The following ANK2 variants were observed in gnomAD, a reference collection of about 807,000 sequenced individuals.
ANK2 encodes the protein ankyrin-2.
In ANK2, 83 loss-of-function variants were observed where a neutral mutation model predicts 360.5. The ratio of observed to expected loss-of-function variants is 0.23; its 90% confidence interval spans 0.19 to 0.28. The LOEUF (loss-of-function observed/expected upper bound fraction) is 0.28, where lower values mean the gene tolerates loss of function less well. Ranked by LOEUF, ANK2 falls within the 10% of genes least tolerant of loss-of-function variation. The pLI is 1.00. For missense variants in ANK2, 4,201 were observed against 4,795.7 expected (o/e 0.88, Z 3.66); for synonymous variants, 1,740 against 1,759.5 (o/e 0.99, Z 0.28).
At chr4:112,725,175 G>A in the ANK2 span, among the ~76,000 whole-genome samples, 6 of 150,468 alleles carry the variant, frequency 4.0e-5, no homozygotes, top group African/African-American at 1.2e-4. Flanking sequence ...CCAGCTACTC[G>A]GGAGGCTGAG....
intron 2 of ANK2, among the ~76,000 whole-genome samples, chr4:112,999,861 G>C (rs947577646): frequency 6.6e-6 from 1 of 152,272 alleles, no homozygotes; most frequent in Non-Finnish European, 1.5e-5. Context: ...TTGAACATCA[G>C]AGAGTTAAAG....
chr4:113,287,744 G>C, intron 19 of ANK2, 41 bp downstream of exon 19: 2 of 1,541,896 alleles, frequency 1.3e-6, no homozygotes, highest in Non-Finnish European at 9.0e-7. Flanking sequence ...GGTTCTGGCT[G>C]GGATGATTCC....
At chr4:113,157,185 T>A (rs1176474312) in intron 1 of ANK2, among the ~76,000 whole-genome samples, 1 of 152,156 alleles carries the variant, frequency 6.6e-6, no homozygotes, top group Non-Finnish European at 1.5e-5. Context: ...AAAGATTTAG[T>A]GTTATAGTTT....
intron 1 of ANK2, among the ~76,000 whole-genome samples, chr4:113,134,105 T>C (rs1400138393): frequency 6.6e-6 from 1 of 151,878 alleles, no homozygotes; most frequent in Non-Finnish European, 1.5e-5. Context: ...GCACCTCCAA[T>C]GATCAAAATA....
intron 33 of ANK2, 33 bp downstream of exon 33, chr4:113,341,949 G>A (rs1347905605): frequency 6.7e-7 from 1 of 1,488,670 alleles, no homozygotes; most frequent in Non-Finnish European, 9.3e-7. Context: ...AATAATTTAT[G>A]CCATGTTGTT....
the ANK2 span, among the ~76,000 whole-genome samples, chr4:112,811,970 G>C: frequency 6.6e-6 from 1 of 150,956 alleles, no homozygotes; most frequent in African/African-American, 2.4e-5. Flanking sequence ...AGCTACTCAG[G>C]AGGCTGAGGC....
intron 1 of ANK2, among the ~76,000 whole-genome samples, chr4:113,158,926 A>G (rs558522027): frequency 1.1e-3 from 164 of 152,238 alleles, no homozygotes; most frequent in Middle Eastern, 3.4e-3. Context: ...GTGATTTTTG[A>G]AGTTTATTTT....
Position 113,381,558 on chromosome 4 carries a change from T to G in ANK2, c.*87T>G. The G allele has an allele frequency of 6.2e-7, 1 of 1,611,934 alleles. No individual in the cohort carries two copies. Among genetic ancestry groups the G allele is most frequent in the Non-Finnish European group, 8.5e-7 (1 of 1,178,954 alleles). On this transcript the variant is annotated 3_prime_UTR_variant, in exon 46 of 46. Transcript: ENST00000357077. ...CACCTGGAGGATGTACCAGAAGCAC[T>G]AGACCAGGACGACCTCCAGCGCGAT...
At chr4:113,081,517 G>A (rs34620563) in intron 1 of ANK2, among the ~76,000 whole-genome samples, 27,195 of 152,066 alleles carry the variant, frequency 0.18, 3,022 homozygotes, top group Admixed American at 0.32. Flanking sequence ...ATACTTAATG[G>A]AAAGAAAGAT....
chr4:112,849,923 C>T (rs1306728030), intron 1 of ANK2, among the ~76,000 whole-genome samples: 1 of 152,146 alleles, frequency 6.6e-6, no homozygotes, highest in Non-Finnish European at 1.5e-5. Flanking sequence ...TATCGGCGGG[C>T]ATCCTCCAAT....
chr4:112,943,553 C>T (rs1480189980), intron 2 of ANK2, among the ~76,000 whole-genome samples: 1 of 152,022 alleles, frequency 6.6e-6, no homozygotes, highest in African/African-American at 2.4e-5. Flanking sequence ...GTCTGGATTT[C>T]AGTCCTAAAC....
In ANK2 at chr4:113,143,399, C is replaced by A. The variant is rs1323612880; in HGVS notation, c.85-31017C>A. On this transcript the variant is annotated intron_variant, in intron 1 of 45. Coordinates refer to ENST00000357077, the MANE Select transcript of ANK2 (RefSeq NM_001148.6). ...TTATTCATCTAGCACCTAGGGGCAT[C>A]TCCTGAATCTGCTGTGGTTAAATAT... is the stretch of plus-strand genomic sequence containing the variant. Among the ~76,000 whole-genome samples, 3 of 143,088 alleles carry A rather than the reference C, an allele frequency of 2.1e-5. No homozygotes were observed. The Admixed American group carries it at 2.2e-4, about 10-fold the overall frequency. The allele number at this position is 143,088 out of a possible 152,430, so 93.9% of individuals were successfully genotyped here.
chr4:112,963,157 T>G lies in ANK2; in HGVS notation c.21+58643T>G, dbSNP rs187650120. On this transcript the variant is annotated intron_variant, in intron 2 of 30. Coordinates refer to the ANK2 transcript ENST00000503271. ...TTCTAAGTGATTTCAAGCTTTTCCCTTCTCTGAAAGCAATATGAGAATGTA... is the reference window on the plus strand; with the variant it reads ...TTCTAAGTGATTTCAAGCTTTTCCCGTCTCTGAAAGCAATATGAGAATGTA... 4.3e-4 allele frequency among the ~76,000 whole-genome samples: 66 copies of G among 152,272 alleles called. No homozygotes were observed. In the East Asian group the frequency reaches 7.9e-3, roughly 18 times the overall value.
chr4:113,015,351 C>G (rs1286254459), intron 2 of ANK2, among the ~76,000 whole-genome samples: 2 of 152,114 alleles, frequency 1.3e-5, no homozygotes, highest in East Asian at 3.9e-4. Flanking sequence ...TAGCACTAAC[C>G]TAAATAAATA....
chr4:113,046,204 G>A (rs529006894), upstream of ANK2, among the ~76,000 whole-genome samples: 9 of 152,116 alleles, frequency 5.9e-5, no homozygotes, highest in East Asian at 5.8e-4. Context: ...ATTTACCCCC[G>A]GTGTTGTAAT....
rs1364666815 is a variant in ANK2, at chr4:113,364,917, T to C, written c.10889-122T>C. On this transcript the variant is annotated intron_variant, in intron 40 of 45. Transcript: ENST00000357077. Reference sequence around the variant, plus strand: ...TGTTGGCTTATTTTTACAAAGACTTTTAATTAGGCTTTGATTGTTTTTTTC... The same window carrying C: ...TGTTGGCTTATTTTTACAAAGACTTCTAATTAGGCTTTGATTGTTTTTTTC... The C allele has an allele frequency of 2.3e-6, 3 of 1,284,622 alleles. No individual in the cohort carries two copies. In the African/African-American group the frequency reaches 4.4e-5, roughly 19 times the overall value. The allele number at this position is 1,284,622 out of a possible 1,614,324, so 79.6% of individuals were successfully genotyped here.
At chr4:113,219,012 A>G (rs2099118917) in intron 4 of ANK2, among the ~76,000 whole-genome samples, 1 of 152,164 alleles carries the variant, frequency 6.6e-6, no homozygotes, top group African/African-American at 2.4e-5. Context: ...TCTCAATGCC[A>G]TAGGCCTATA....
the ANK2 span, among the ~76,000 whole-genome samples, chr4:112,750,761 T>G: frequency 6.6e-6 from 1 of 151,962 alleles, no homozygotes; most frequent in Non-Finnish European, 1.5e-5. Flanking sequence ...ACAGTCTTAC[T>G]CTGTCATCCA....
intron 2 of ANK2, among the ~76,000 whole-genome samples, chr4:113,023,045 T>A (rs2058507458): frequency 6.6e-6 from 1 of 152,006 alleles, no homozygotes; most frequent in Non-Finnish European, 1.5e-5. Context: ...AGGTGATGAG[T>A]TGATAGGTGC....
Sources: allele counts gnomAD v4.1 joint callset (sites outside exome capture counted in the v4.1 genomes callset), GRCh38; gene constraint gnomAD v4.1.1; transcripts MANE v1.5; gene names NCBI Gene and HGNC (gene_info 2026-07-23, HGNC 2026-07-21).